PARD3: variants seen among roughly 807,000 people sequenced by gnomAD.
PARD3 encodes the protein par-3 family cell polarity regulator, also known as partitioning defective 3 homolog.
In PARD3, 75 loss-of-function variants were observed where a neutral mutation model predicts 155.4. That is an observed-to-expected ratio of 0.48 (90% CI 0.40 to 0.58). The LOEUF is 0.58. PARD3 is among the 20% of genes least tolerant of loss of function. PARD3 has a pLI of 0.00. For missense variants in PARD3, 1,642 were observed against 1,721.7 expected, an observed-to-expected ratio of 0.95 and a Z score of 0.82; for synonymous variants, 576 against 610.5, an observed-to-expected ratio of 0.94 and a Z score of 0.83.
chr10:34,409,692 G>A (rs960507738), intron 5 of PARD3, among the ~76,000 whole-genome samples: 6 of 152,106 alleles, frequency 3.9e-5, no homozygotes, highest in Admixed American at 6.6e-5. Context: ...TAGTTGACAC[G>A]ATTTTATTCA....
chr10:34,230,746 G>C (rs1053285325), intron 22 of PARD3, among the ~76,000 whole-genome samples: 3 of 152,124 alleles, frequency 2.0e-5, no homozygotes, highest in African/African-American at 7.3e-5. Context: ...CTAGGGGCTG[G>C]GATTGGTGTG....
chr10:34,362,802 C>A (rs1044078581), intron 12 of PARD3, among the ~76,000 whole-genome samples: 6 of 152,104 alleles, frequency 3.9e-5, no homozygotes, highest in African/African-American at 1.4e-4. Context: ...TTACAGAGTA[C>A]GAAATAATGA....
At chr10:34,227,552 C>T (rs188222645) in intron 22 of PARD3, among the ~76,000 whole-genome samples, 11 of 152,216 alleles carry the variant, frequency 7.2e-5, no homozygotes, top group East Asian at 5.8e-4. Flanking sequence ...GCAAGAGAAG[C>T]GCTTGAACCC....
At chr10:34,518,123 C>A (rs2081904974) in intron 2 of PARD3, among the ~76,000 whole-genome samples, 1 of 152,236 alleles carries the variant, frequency 6.6e-6, no homozygotes, top group African/African-American at 2.4e-5. Context: ...AACTGTTCTG[C>A]CCGCCTCAGC....
chr10:34,146,074 A>G (rs895458109), intron 22 of PARD3, among the ~76,000 whole-genome samples: 3 of 152,158 alleles, frequency 2.0e-5, no homozygotes, highest in African/African-American at 7.2e-5. Context: ...CTGTCATTCT[A>G]TATTAACTAT....
At chr10:34,226,527 G>A (rs1952611319) in intron 22 of PARD3, among the ~76,000 whole-genome samples, 2 of 152,238 alleles carry the variant, frequency 1.3e-5, no homozygotes, top group Admixed American at 1.3e-4. Context: ...TCCAGCCTGG[G>A]GGAAAGAGCG....
chr10:34,312,109 A>G, intron 20 of PARD3: 1 of 620,076 alleles, frequency 1.6e-6, no homozygotes, highest in Admixed American at 3.0e-5. Flanking sequence ...TAAAGAAAGG[A>G]AAGAGAAAAA....
intron 14 of PARD3, among the ~76,000 whole-genome samples, chr10:34,354,194 G>A (rs993152406): frequency 6.6e-6 from 1 of 151,224 alleles, no homozygotes; most frequent in African/African-American, 2.4e-5. Flanking sequence ...TGGCTAACAC[G>A]GTGAAACTCC....
rs11009825 is a variant in PARD3 at position 34,587,830 on chromosome 10, G to A, written c.223-70671C>T. On this transcript the variant is annotated intron_variant, in intron 2 of 24. Transcript: ENST00000374788. ...AGCCATCATCTTACAAATCATTGCG[G>A]ATAAGTGCCCTGAGATAATTTCCAT... 4.2e-4 allele frequency among the ~76,000 whole-genome samples: 64 copies of A among 152,274 alleles called. No individual in the cohort carries two copies. The East Asian group carries it at 0.012, about 28-fold the overall frequency.
At chr10:34,808,865 G>A (rs1176753692) in intron 1 of PARD3, among the ~76,000 whole-genome samples, 4 of 152,188 alleles carry the variant, frequency 2.6e-5, no homozygotes, top group African/African-American at 9.7e-5. Flanking sequence ...GAGAATCTCA[G>A]ATCCTAAACA....
intron 22 of PARD3, among the ~76,000 whole-genome samples, chr10:34,204,941 G>C (rs1951399913): frequency 6.6e-6 from 1 of 152,126 alleles, no homozygotes; most frequent in Admixed American, 6.5e-5. Flanking sequence ...AACTTTCAAT[G>C]ACTCCAGGGG....
intron 20 of PARD3, among the ~76,000 whole-genome samples, chr10:34,292,067 T>C (rs1300535830): frequency 6.6e-6 from 1 of 152,128 alleles, no homozygotes; most frequent in Non-Finnish European, 1.5e-5. Flanking sequence ...CCAACCTTTC[T>C]AAATGCAGTG....
chr10:34,342,019 G>A (rs758507064), intron 15 of PARD3, among the ~76,000 whole-genome samples: 9 of 152,208 alleles, frequency 5.9e-5, no homozygotes, highest in South Asian at 4.1e-4. Flanking sequence ...TACCTCTGAC[G>A]CTACAACTAT....
chr10:34,399,065 A>G (rs541039857), intron 7 of PARD3, among the ~76,000 whole-genome samples: 1 of 152,282 alleles, frequency 6.6e-6, no homozygotes, highest in African/African-American at 2.4e-5. Context: ...ACAGCAAAGT[A>G]AAATGTTTGC....
intron 22 of PARD3, among the ~76,000 whole-genome samples, chr10:34,258,441 G>C (rs1954772233): frequency 6.6e-6 from 1 of 152,178 alleles, no homozygotes; most frequent in South Asian, 2.1e-4. Context: ...GAGATGTGTG[G>C]GTTGTGATTG....
In PARD3 at chr10:34,227,594, C is replaced by T. The variant is rs903571371; in HGVS notation, c.3419+42063G>A. On this transcript the variant is annotated intron_variant, in intron 22 of 24. Coordinates refer to ENST00000374788, the MANE Select transcript of PARD3 (RefSeq NM_001184785.2). ...CAGAGGTTGCAGTGAGCCGAGATTG[C>T]GCCATTGCACGCCAGCCTGGGCAAC... 7.9e-5 allele frequency among the ~76,000 whole-genome samples: 12 copies of T among 152,176 alleles called. No homozygotes were observed. In the East Asian group the frequency reaches 1.7e-3, roughly 22 times the overall value.
intron 1 of PARD3, among the ~76,000 whole-genome samples, chr10:34,737,265 G>A (rs186406861): frequency 3.7e-4 from 57 of 152,278 alleles, no homozygotes; most frequent in African/African-American, 1.3e-3. Context: ...TTTTCAACAG[G>A]AGCCAAGGGT....
chr10:34,228,387 C>T (rs1241065352), intron 22 of PARD3, among the ~76,000 whole-genome samples: 2 of 151,746 alleles, frequency 1.3e-5, no homozygotes, highest in Non-Finnish European at 2.9e-5. Flanking sequence ...CACGTGTACC[C>T]CCGAACCAAA....
chr10:34,417,132 T>C (rs913438419), intron 5 of PARD3, among the ~76,000 whole-genome samples: 4 of 152,032 alleles, frequency 2.6e-5, no homozygotes, highest in African/African-American at 9.7e-5. Context: ...AAATTGTACA[T>C]AAAAACCCTA....
Sources: gnomAD v4.1 joint callset for allele counts (sites outside exome capture counted in the v4.1 genomes callset) on GRCh38, gnomAD v4.1.1 for gene constraint, MANE v1.5 for transcripts, NCBI Gene and HGNC (gene_info 2026-07-23, HGNC 2026-07-21) for gene names.